Variants in COL5A1 observed in about 807,000 individuals in gnomAD.
COL5A1 encodes collagen type V alpha 1 chain.
In COL5A1, 16 loss-of-function variants were observed where a neutral mutation model predicts 263.7. That is an observed-to-expected ratio of 0.06 (90% CI 0.04 to 0.09). COL5A1 has a LOEUF of 0.09. Ranked by LOEUF, COL5A1 falls within the 10% of genes least tolerant of loss-of-function variation. The pLI is 1.00. For synonymous variants in COL5A1, 1,012 were observed against 1,004.5 expected, an observed-to-expected ratio of 1.01 and a Z score of -0.14; for missense variants, 2,036 against 2,540.5, an observed-to-expected ratio of 0.80 and a Z score of 4.27.
chr9:134,756,663 C>T, intron 16 of COL5A1, 102 bp from the exon 17 acceptor site: 1 of 1,296,028 alleles, frequency 7.7e-7, no homozygotes, highest in Non-Finnish European at 1.1e-6. Flanking sequence ...GTGGGCGCGG[C>T]TCTGGTGGAA....
chr9:134,683,188 A>T (rs1443786445), intron 1 of COL5A1, among the ~76,000 whole-genome samples: 1 of 152,024 alleles, frequency 6.6e-6, no homozygotes, highest in East Asian at 1.9e-4. Flanking sequence ...GTCAGGGGTC[A>T]CCTCCTCCCG....
At chr9:134,777,233 G>A (rs527435272) in intron 27 of COL5A1, among the ~76,000 whole-genome samples, 4 of 152,216 alleles carry the variant, frequency 2.6e-5, no homozygotes, top group Non-Finnish European at 2.9e-5. Context: ...CCCCAAATAT[G>A]AGTTCACATC....
rs1426395004 is a variant in COL5A1 at position 134,797,985 on chromosome 9, C to T, written c.2899-423C>T. Among the ~76,000 whole-genome samples the T allele has an allele frequency of 2.6e-5, 4 of 152,246 alleles. No homozygotes were observed. In the East Asian group the frequency reaches 7.7e-4, roughly 29 times the overall value. On this transcript the variant is annotated intron_variant, in intron 36 of 65. Coordinates refer to ENST00000371817, the MANE Select transcript of COL5A1 (RefSeq NM_000093.5). ...CCTTATGGCAGGTGTGATGTATCTC[C>T]TCCAGTATGGACAACCATCTAGCAG...
intron 1 of COL5A1, among the ~76,000 whole-genome samples, chr9:134,645,728 G>A (rs114094686): frequency 9.4e-4 from 143 of 152,308 alleles, no homozygotes; most frequent in African/African-American, 3.2e-3. Flanking sequence ...GGGGCCCTAA[G>A]CCAGCAACGG....
intron 32 of COL5A1, among the ~76,000 whole-genome samples, chr9:134,792,884 TGTGTGTGCGCGCGTGTGTGCACGCGC>T: frequency 9.8e-5 from 3 of 30,542 alleles, no homozygotes; most frequent in South Asian, 7.3e-4. Flanking sequence ...TGTGCACACG[TGTGTGTGCGCGCGTGTGTGCACGCGC>T]GTGTGTGTGC....
chr9:134,821,762 C>T lies in COL5A1; in HGVS notation c.4555-335C>T, dbSNP rs951180503. Among the ~76,000 whole-genome samples the T allele has an allele frequency of 2.6e-5, 4 of 152,228 alleles. No homozygotes were observed. The highest frequency in any genetic ancestry group is 9.6e-5 in the African/African-American group (4 of 41,464). On this transcript the variant is annotated intron_variant, in intron 58 of 65. Transcript: ENST00000371817. The surrounding 1 kb of genome is among the most constrained non-coding windows in gnomAD (Gnocchi z 4.2). ...GGGGCCCAAGCCAGGGCCACAATGTCAGGGCAGTGGTTTCTGTATTTCCAA... is the reference window on the plus strand; with the variant it reads ...GGGGCCCAAGCCAGGGCCACAATGTTAGGGCAGTGGTTTCTGTATTTCCAA...
intron 5 of COL5A1, among the ~76,000 whole-genome samples, chr9:134,727,739 T>G (rs774448965): frequency 6.6e-6 from 1 of 152,220 alleles, no homozygotes; most frequent in Non-Finnish European, 1.5e-5. Flanking sequence ...CTCGATCCAC[T>G]GGAGGGGCCA....
intron 4 of COL5A1, among the ~76,000 whole-genome samples, chr9:134,724,306 C>T (rs1208288141): frequency 6.6e-6 from 1 of 152,226 alleles, no homozygotes; most frequent in African/African-American, 2.4e-5. Flanking sequence ...GAGGTCAATG[C>T]TGCCGTTTTA....
chr9:134,773,812 C>A (rs2132745142), intron 26 of COL5A1, among the ~76,000 whole-genome samples: 1 of 152,328 alleles, frequency 6.6e-6, no homozygotes, highest in South Asian at 2.1e-4. Flanking sequence ...CCTCTGAGAC[C>A]CAGAGCGGTC....
chr9:134,823,111 C>T, intron 60 of COL5A1, 78 bp downstream of exon 60: 1 of 1,512,226 alleles, frequency 6.6e-7, no homozygotes, highest in African/African-American at 1.4e-5. Flanking sequence ...CGGGAACAAA[C>T]TACCCAGACA....
intron 37 of COL5A1, among the ~76,000 whole-genome samples, chr9:134,800,749 CAAAAAAAA>C (rs397951217): frequency 3.1e-4 from 25 of 81,618 alleles, no homozygotes; most frequent in Non-Finnish European, 5.0e-4. Context: ...CTGTCTCAAA[CAAAAAAAA>C]AAAAAAAAAA....
intron 18 of COL5A1, among the ~76,000 whole-genome samples, chr9:134,759,826 A>C (rs1423982220): frequency 1.2e-4 from 7 of 59,050 alleles, no homozygotes; most frequent in Non-Finnish European, 1.7e-4. Context: ...ATACACACCC[A>C]CACCCCCCCA....
At chr9:134,802,131 A>T in intron 38 of COL5A1, 124 bp downstream of exon 38, 1 of 966,044 alleles carries the variant, frequency 1.0e-6, no homozygotes, top group Non-Finnish European at 1.7e-6. Context: ...CTGAGAGGTT[A>T]TCTTAGGTCC....
At chr9:134,746,020 T>C (rs936248284) in intron 11 of COL5A1, among the ~76,000 whole-genome samples, 4 of 152,110 alleles carry the variant, frequency 2.6e-5, no homozygotes, top group Admixed American at 6.5e-5. Flanking sequence ...ACCCAAGATC[T>C]CATCTCAAGA....
chr9:134,673,438 C>T (rs1421287442), intron 1 of COL5A1, among the ~76,000 whole-genome samples: 2 of 130,224 alleles, frequency 1.5e-5, no homozygotes. Flanking sequence ...CCAGCCTGGG[C>T]AATATGGCGA....
Position 134,731,662 on chromosome 9 carries a change from G to A in COL5A1, c.1331G>A (p.Gly444Glu), listed in dbSNP as rs910913371. 1 of 1,611,168 alleles carries A rather than the reference G, an allele frequency of 6.2e-7. No individual in the cohort carries two copies. The highest frequency in any genetic ancestry group is 1.3e-5 in the African/African-American group (1 of 74,924). ...GCGAACCAGGATACCATCTATGAAG[G>A]GGTGAGAGGGTGCAGGCCCCCGTTC... ...MPANQDTIYE[G>E]IGGPRGEKGQ... The change falls in exon 8 of 66, where the codon GGG (glycine) becomes GAG (glutamate). Residue 444 changes from glycine to glutamate, a missense_variant and splice_region_variant. Coordinates refer to ENST00000371817, the MANE Select transcript of COL5A1 (RefSeq NM_000093.5).
At chr9:134,830,316 C>A in intron 64 of COL5A1, 1 of 861,502 alleles carries the variant, frequency 1.2e-6, no homozygotes, top group Non-Finnish European at 1.8e-6. Flanking sequence ...GACAGCAAGA[C>A]TCAGCTAGGT....
intron 9 of COL5A1, among the ~76,000 whole-genome samples, chr9:134,734,398 G>A (rs1439827124): frequency 6.6e-6 from 1 of 152,206 alleles, no homozygotes; most frequent in Non-Finnish European, 1.5e-5. Context: ...AGTGTCCTGG[G>A]GCCTTTGGCC....
chr9:134,766,967 C>T, intron 22 of COL5A1, 33 bp from the exon 23 acceptor site: 9 of 1,604,624 alleles, frequency 5.6e-6, no homozygotes, highest in South Asian at 3.3e-5. Flanking sequence ...TTCCCAGAGC[C>T]CCCTTCAGTG....
Sources: allele counts gnomAD v4.1 joint callset (sites outside exome capture counted in the v4.1 genomes callset), GRCh38; gene constraint gnomAD v4.1.1; non-coding constraint Gnocchi (gnomAD v3.1); transcripts MANE v1.5; gene names NCBI Gene and HGNC (gene_info 2026-07-23, HGNC 2026-07-21).